EXOC6B: variants seen among roughly 807,000 people sequenced by gnomAD.
The protein encoded by EXOC6B is SEC15 homolog B.
EXOC6B carries 54 observed loss-of-function variants against 113.5 expected under a neutral mutation model. The observed-to-expected ratio is 0.48, with a 90% CI of 0.38 to 0.60. The LOEUF (loss-of-function observed/expected upper bound fraction) is 0.60. Ranked by LOEUF, EXOC6B falls within the 20% of genes least tolerant of loss-of-function variation. The probability of loss-of-function intolerance (pLI) is 0.00; values close to 1 mark genes in which losing one functional copy is unlikely to be tolerated. For synonymous variants in EXOC6B, 357 were observed against 339.0 expected (o/e 1.05, Z -0.58); for missense variants, 797 against 977.5 (o/e 0.82, Z 2.46).
chr2:72,799,629 T>A (rs890555631), intron 1 of EXOC6B, among the ~76,000 whole-genome samples: 7 of 152,120 alleles, frequency 4.6e-5, no homozygotes, highest in South Asian at 4.1e-4. Context: ...TAAAAGCCTA[T>A]GCAAAAGAAA....
rs1677725348 is a variant in EXOC6B, at chr2:72,176,266, AAAAAAAC to A, written c.*3062_*3068del. On this transcript the variant is annotated 3_prime_UTR_variant, in exon 22 of 22. Transcript: ENST00000272427. ...GTAATTGTGAATGCAGGCAAAAAAA[AAAAAAAC>A]AAAAAGGAAGAAGAAGAAGAAGAAG... 6.7e-6 allele frequency: 1 copy of A among 149,594 alleles called. No homozygotes were observed. 9.3% of individuals were successfully genotyped at this position (149,594 alleles called of 1,614,324 possible).
At chr2:72,460,585 C>T (rs1425859409) in intron 18 of EXOC6B, among the ~76,000 whole-genome samples, 1 of 152,092 alleles carries the variant, frequency 6.6e-6, no homozygotes, top group Non-Finnish European at 1.5e-5. Flanking sequence ...GACATTTATG[C>T]AGCCAGAAAA....
At chr2:72,258,254 C>T (rs1179152954) in intron 20 of EXOC6B, among the ~76,000 whole-genome samples, 1 of 151,998 alleles carries the variant, frequency 6.6e-6, no homozygotes, top group Non-Finnish European at 1.5e-5. Context: ...AGCTCCTTAA[C>T]GACAGGGTTG....
intron 6 of EXOC6B, among the ~76,000 whole-genome samples, chr2:72,644,798 T>C (rs1225165150): frequency 1.3e-5 from 2 of 152,160 alleles, no homozygotes; most frequent in South Asian, 2.1e-4. Flanking sequence ...GCACTAAACA[T>C]GGAAAGGAAC....
At chr2:72,584,989 A>T (rs1343291258) in intron 6 of EXOC6B, among the ~76,000 whole-genome samples, 1 of 152,182 alleles carries the variant, frequency 6.6e-6, no homozygotes. Flanking sequence ...ATACCAAGAT[A>T]TCTGGGATGC....
intron 18 of EXOC6B, among the ~76,000 whole-genome samples, chr2:72,451,654 CTGTG>C (rs141514102): frequency 0.015 from 2,193 of 142,506 alleles, 34 homozygotes; most frequent in East Asian, 0.048. Flanking sequence ...GTCTTTGTGC[CTGTG>C]TGTGTGTGTG....
At chr2:72,514,707 T>C in intron 9 of EXOC6B, 27 bp from the exon 10 acceptor site, 3 of 1,454,698 alleles carry the variant, frequency 2.1e-6, no homozygotes, top group Non-Finnish European at 2.8e-6. Flanking sequence ...AAGAAAAAGT[T>C]ATTGTTTCTG....
intron 1 of EXOC6B, among the ~76,000 whole-genome samples, chr2:72,763,409 C>T (rs1682857922): frequency 6.6e-6 from 1 of 150,916 alleles, no homozygotes; most frequent in South Asian, 2.1e-4. Flanking sequence ...CAGAGAAAGT[C>T]AATTTGAACG....
At chr2:72,792,805 C>A (rs1684746568) in intron 1 of EXOC6B, among the ~76,000 whole-genome samples, 1 of 152,170 alleles carries the variant, frequency 6.6e-6, no homozygotes. Context: ...TTCCTTCCCA[C>A]ACAGAAAACC....
At chr2:72,706,806 T>C (rs1181280858) in intron 6 of EXOC6B, among the ~76,000 whole-genome samples, 1 of 152,198 alleles carries the variant, frequency 6.6e-6, no homozygotes, top group Admixed American at 6.5e-5. Context: ...ACCCCTTCCC[T>C]TGAGTATAGC....
chr2:72,511,785 G>C (rs1225103695), intron 11 of EXOC6B, among the ~76,000 whole-genome samples: 2 of 151,892 alleles, frequency 1.3e-5, no homozygotes, highest in Non-Finnish European at 2.9e-5. Flanking sequence ...ACTTCTTTCA[G>C]GTCTCTGAGA....
At chr2:72,782,057 T>G (rs1040686046) in intron 1 of EXOC6B, among the ~76,000 whole-genome samples, 3 of 151,224 alleles carry the variant, frequency 2.0e-5, no homozygotes, top group Non-Finnish European at 2.9e-5. Flanking sequence ...GGAGAATCAC[T>G]TGAACCCGGG....
intron 17 of EXOC6B, among the ~76,000 whole-genome samples, chr2:72,468,714 T>C (rs1412267022): frequency 1.3e-5 from 2 of 152,218 alleles, no homozygotes; most frequent in African/African-American, 2.4e-5. Flanking sequence ...CCATTGAATA[T>C]GTAGATCACT....
At chr2:72,293,053 G>T (rs1685905453) in intron 20 of EXOC6B, among the ~76,000 whole-genome samples, 1 of 152,140 alleles carries the variant, frequency 6.6e-6, no homozygotes, top group Admixed American at 6.5e-5. Context: ...AATGCCAGAA[G>T]TGGAATTGCT....
intron 16 of EXOC6B, 61 bp from the exon 17 acceptor site, chr2:72,480,811 A>C: frequency 4.7e-6 from 7 of 1,498,128 alleles, no homozygotes; most frequent in African/African-American, 1.4e-5. Flanking sequence ...TGAATGGCTC[A>C]ATATGAATCT....
intron 6 of EXOC6B, among the ~76,000 whole-genome samples, chr2:72,650,642 A>G (rs1210883774): frequency 1.3e-5 from 2 of 151,978 alleles, no homozygotes; most frequent in Non-Finnish European, 2.9e-5. Context: ...AGAGAAAAGA[A>G]AAAAGAAAAG....
intron 1 of EXOC6B, among the ~76,000 whole-genome samples, chr2:72,765,135 A>C (rs541501315): frequency 4.6e-5 from 7 of 152,014 alleles, no homozygotes; most frequent in East Asian, 1.9e-4. Flanking sequence ...AGGAAGAAAA[A>C]TTTTTAAAAA....
At chr2:72,418,361 C>T (rs1442876365) in intron 18 of EXOC6B, among the ~76,000 whole-genome samples, 1 of 152,148 alleles carries the variant, frequency 6.6e-6, no homozygotes, top group Non-Finnish European at 1.5e-5. Flanking sequence ...TCCTGGCAAC[C>T]ACCATTCTGC....
At chr2:72,599,021 C>T (rs1265462203) in intron 6 of EXOC6B, among the ~76,000 whole-genome samples, 1 of 151,974 alleles carries the variant, frequency 6.6e-6, no homozygotes, top group African/African-American at 2.4e-5. Context: ...AAAATAGAAG[C>T]AGAAAGATGC....
Sources: gnomAD v4.1 joint callset for allele counts (sites outside exome capture counted in the v4.1 genomes callset) on GRCh38, gnomAD v4.1.1 for gene constraint, MANE v1.5 for transcripts, NCBI Gene and HGNC (gene_info 2026-07-23, HGNC 2026-07-21) for gene names.